Variants in TTLL10 observed in about 807,000 individuals in gnomAD.
TTLL10 encodes tubulin tyrosine ligase like 10.
Under a neutral mutation model 69.0 loss-of-function variants are expected in TTLL10, and 61 were observed. The ratio of observed to expected loss-of-function variants is 0.88; its 90% confidence interval spans 0.72 to 1.09. The LOEUF (loss-of-function observed/expected upper bound fraction) is 1.09. TTLL10 is among the 50% of genes least tolerant of loss of function. The pLI is 0.00. For synonymous variants in TTLL10, 408 were observed against 393.3 expected (o/e 1.04, Z -0.44); for missense variants, 962 against 945.9 (o/e 1.02, Z -0.22).
Position 1,185,959 on chromosome 1 carries a change from A to G in TTLL10, c.1401+850A>G. The stretch of plus-strand genomic sequence containing the variant: ...ATCACCTCAAAAAAGAAACACTACT[A>G]ACGAGCCATCACAGCTACATTGCCG... On this transcript the variant is annotated intron_variant, in intron 13 of 15. Coordinates refer to ENST00000379289, the MANE Select transcript of TTLL10 (RefSeq NM_001130045.2). This position sits in a 1 kb window ranked among gnomAD's most constrained non-coding sequence, Gnocchi z 6.1. 1.9e-6 allele frequency: 1 copy of G among 518,616 alleles called. No homozygotes were observed. Among genetic ancestry groups the G allele is most frequent in the Non-Finnish European group, 2.5e-6 (1 of 403,390 alleles). 32.1% of individuals were successfully genotyped at this position (518,616 alleles called of 1,614,324 possible). A position where few individuals can be genotyped will look rare whatever the true frequency, so the allele number is the denominator to read the frequency against.
Position 1,181,755 on chromosome 1 carries a change from C to G in TTLL10, c.770C>G (p.Ala257Gly). The G allele has an allele frequency of 6.2e-7, 1 of 1,605,462 alleles. No homozygotes were observed. The highest frequency in any genetic ancestry group is 8.5e-7 in the Non-Finnish European group (1 of 1,177,218). Reference protein sequence around the residue: ...GGVQARLEKDAAAPALEDLPW... With the variant: ...GGVQARLEKDGAAPALEDLPW... ...CTGGGCTGCAGGCTGGAAAAGGACGCAGCAGCGCCCGCCCTGGAGGACCTC... is the reference window on the plus strand; with the variant it reads ...CTGGGCTGCAGGCTGGAAAAGGACGGAGCAGCGCCCGCCCTGGAGGACCTC... The change falls in exon 9 of 16, where the codon GCA (alanine) becomes GGA (glycine). Residue 257 changes from alanine (A) to glycine (G), a missense_variant. By Grantham distance (60) the Ala-to-Gly change is moderately conservative. Transcript: ENST00000379289. The surrounding 1 kb of genome is among the most constrained non-coding windows in gnomAD (Gnocchi z 4.6).
rs1034580146 is a variant in TTLL10 at position 1,197,836 on chromosome 1, G to A, written c.2011G>A (p.Ala671Thr). Residue 671 changes from alanine to threonine, a missense_variant, in exon 16 of 16, where the codon GCG becomes ACG. Physicochemically the swap from Ala to Thr is moderately conservative, Grantham distance 58 (BLOSUM62 0). Transcript: ENST00000379289. Reference sequence around the variant, plus strand: ...GGAGGAACGCGAGGAGCCTGAGAACGCGAGGCCCTAGGGGCAGCCACCCGC... The same window carrying A: ...GGAGGAACGCGAGGAGCCTGAGAACACGAGGCCCTAGGGGCAGCCACCCGC... Reference protein sequence around the residue: ...AKEEREEPENARP With the variant: ...AKEEREEPENTRP The A allele has an allele frequency of 7.8e-5, 117 of 1,494,658 alleles. No homozygotes were observed. Among genetic ancestry groups the A allele is most frequent in the Admixed American group, 2.1e-4 (9 of 43,344 alleles). The allele number at this position is 1,494,658 out of a possible 1,614,324, so 92.6% of individuals were successfully genotyped here.
rs756766533 is a variant in TTLL10 at position 1,180,050 on chromosome 1, G to A, written c.216G>A (p.Arg72=). ...GHCPVGPAHE[R]PMGSSQEEGL... ...CGTTCACAGGCCCGGCCCACGAGAG[G>A]CCAATGGGGAGCAGCCAGGAGGAGG... is the stretch of plus-strand genomic sequence containing the variant. The change falls in exon 6 of 16, where the codon AGG becomes AGA. Residue 72 remains arginine (R), a synonymous_variant. Transcript: ENST00000379289. 3 of 1,574,544 alleles carry A rather than the reference G, an allele frequency of 1.9e-6. No homozygotes were observed. The highest frequency in any genetic ancestry group is 2.6e-6 in the Non-Finnish European group (3 of 1,160,420).
chr1:1,175,154 A>T (rs1646835017), intron 3 of TTLL10: 1 of 157,756 alleles, frequency 6.3e-6, no homozygotes, highest in Admixed American at 5.9e-5. Flanking sequence ...TTTCAATGAC[A>T]AGAAATAACA....
At chr1:1,195,788 C>A (rs1381543071) in intron 13 of TTLL10, among the ~76,000 whole-genome samples, 1 of 151,866 alleles carries the variant, frequency 6.6e-6, no homozygotes, top group Non-Finnish European at 1.5e-5. Flanking sequence ...TACAGGCATA[C>A]ACCACCACGC....
Position 1,181,668 on chromosome 1 carries a change from C to T in TTLL10, c.756-73C>T. The T allele has an allele frequency of 5.7e-6, 8 of 1,394,508 alleles. No individual in the cohort carries two copies. Among genetic ancestry groups the T allele is most frequent in the Non-Finnish European group, 7.9e-6 (8 of 1,016,718 alleles). The allele number at this position is 1,394,508 out of a possible 1,614,324, so 86.4% of individuals were successfully genotyped here. On this transcript the variant is annotated intron_variant, in intron 8 of 15. Coordinates refer to ENST00000379289, the MANE Select transcript of TTLL10 (RefSeq NM_001130045.2). The surrounding 1 kb of genome is among the most constrained non-coding windows in gnomAD (Gnocchi z 4.6). ...CGCCCACTCACCACCCATGCCCCAT[C>T]CCCCAGTCCCCACCCGCTCCAAGCA...
intron 10 of TTLL10, 117 bp downstream of exon 10, chr1:1,182,563 C>A: frequency 9.0e-7 from 1 of 1,112,612 alleles, no homozygotes; most frequent in Non-Finnish European, 1.3e-6. Flanking sequence ...GGGGCTGGGA[C>A]GAGACGAGGT....
chr1:1,197,790 G>A lies in TTLL10; in HGVS notation c.1965G>A (p.Glu655=). ...SGTGNRHPAQ[E]PSPGTAKEER... is the part of the protein sequence containing the mutation. The stretch of plus-strand genomic sequence containing the variant: ...CAGGCAACAGGCACCCGGCGCAAGA[G>A]CCTTCCCCGGGGACAGCCAAGGAGG... Residue 655 remains glutamate (E), a synonymous_variant, in exon 16 of 16, where the codon GAG becomes GAA. Transcript: ENST00000379289. 1 of 1,529,962 alleles carries A rather than the reference G, an allele frequency of 6.5e-7. No homozygotes were observed. 94.8% of individuals were successfully genotyped at this position (1,529,962 alleles called of 1,614,324 possible).
At position 1,197,818 on chromosome 1, in the gene TTLL10, C is replaced by T. The variant is rs777763616; in HGVS notation, c.1993C>T (p.Arg665Cys). 32 of 1,509,312 alleles carry T rather than the reference C, an allele frequency of 2.1e-5. No homozygotes were observed. Among genetic ancestry groups the T allele is most frequent in the African/African-American group, 5.7e-5 (4 of 70,000 alleles). The allele number at this position is 1,509,312 out of a possible 1,614,324, so 93.5% of individuals were successfully genotyped here. A position where few individuals can be genotyped will look rare whatever the true frequency, so the allele number is the denominator to read the frequency against. ...EPSPGTAKEE[R>C]EEPENARP ...TTCCCCGGGGACAGCCAAGGAGGAA[C>T]GCGAGGAGCCTGAGAACGCGAGGCC... The change falls in exon 16 of 16, where the codon CGC becomes TGC. Residue 665 changes from arginine (R) to cysteine (C), a missense_variant. By Grantham distance (180) the Arg-to-Cys change is radical (BLOSUM62 -3). Coordinates refer to ENST00000379289, the MANE Select transcript of TTLL10 (RefSeq NM_001130045.2).
At position 1,180,355 on chromosome 1, in the gene TTLL10, T is replaced by C; in HGVS notation, c.506+15T>C. The C allele has an allele frequency of 6.5e-7, 1 of 1,548,320 alleles. No individual in the cohort carries two copies. The highest frequency in any genetic ancestry group is 1.4e-5 in the African/African-American group (1 of 73,210). On this transcript the variant is annotated intron_variant, in intron 6 of 15. Transcript: ENST00000379289. ...GGGGCCACAATGTGAGTAGCGGCCC[T>C]GGGCGCCCGTGGTCCCACTGAATAC...
At chr1:1,189,008 C>A (rs1054885885) in intron 13 of TTLL10, among the ~76,000 whole-genome samples, 5 of 151,988 alleles carry the variant, frequency 3.3e-5, no homozygotes, top group Non-Finnish European at 7.4e-5. Context: ...GATCTTGTAT[C>A]CTTCAACTTT....
Position 1,196,792 on chromosome 1 carries a change from T to C in TTLL10, c.1518+76T>C, listed in dbSNP as rs1053478320. The C allele has an allele frequency of 9.0e-5, 98 of 1,084,706 alleles. No homozygotes were observed. The African/African-American group carries it at 1.3e-3, about 15-fold the overall frequency. 67.2% of individuals were successfully genotyped at this position (1,084,706 alleles called of 1,614,324 possible). On this transcript the variant is annotated intron_variant, in intron 14 of 15. Transcript: ENST00000379289. The stretch of plus-strand genomic sequence containing the variant: ...GGCCATCTGTACACCCTGACCACAC[T>C]GGCAGGCCCCAGGCAGAATCTGCAG...
At chr1:1,183,506 A>G (rs559126185) in intron 11 of TTLL10, among the ~76,000 whole-genome samples, 543 of 152,128 alleles carry the variant, frequency 3.6e-3, no homozygotes, top group Non-Finnish European at 5.3e-3. Flanking sequence ...CCTCACTCTG[A>G]CCACAGCTGC....
chr1:1,183,839 A>G, intron 11 of TTLL10, 81 bp from the exon 12 acceptor site: 2 of 1,562,336 alleles, frequency 1.3e-6, no homozygotes, highest in Non-Finnish European at 1.7e-6. Flanking sequence ...GAAATGGAAC[A>G]GGCCCGGGGT....
chr1:1,191,100 G>A (rs545400808), intron 13 of TTLL10, among the ~76,000 whole-genome samples: 59 of 152,336 alleles, frequency 3.9e-4, no homozygotes, highest in African/African-American at 1.2e-3. Flanking sequence ...GATTATAGGC[G>A]TGAGCCATGA....
At position 1,181,616 on chromosome 1, in the gene TTLL10, C is replaced by T. The variant is rs1570413550; in HGVS notation, c.756-125C>T. 1 of 847,362 alleles carries T rather than the reference C, an allele frequency of 1.2e-6. No individual in the cohort carries two copies. The highest frequency in any genetic ancestry group is 2.7e-5 in the East Asian group (1 of 36,642). 52.5% of individuals were successfully genotyped at this position (847,362 alleles called of 1,614,324 possible). On this transcript the variant is annotated intron_variant, in intron 8 of 15. Transcript: ENST00000379289. The surrounding 1 kb of genome is among the most constrained non-coding windows in gnomAD (Gnocchi z 4.6). ...CCCCAGGCACCGCCGTCCACCCAGCCACCTCCTTCCACCACAACTCACAGT... is the reference window on the plus strand; with the variant it reads ...CCCCAGGCACCGCCGTCCACCCAGCTACCTCCTTCCACCACAACTCACAGT...
At chr1:1,191,436 A>G (rs889602963) in intron 13 of TTLL10, among the ~76,000 whole-genome samples, 1 of 152,236 alleles carries the variant, frequency 6.6e-6, no homozygotes, top group African/African-American at 2.4e-5. Context: ...TAAAAAAACA[A>G]CAAACTTACT....
intron 13 of TTLL10, among the ~76,000 whole-genome samples, chr1:1,191,757 A>C (rs12062271): frequency 0.11 from 16,815 of 152,310 alleles, 1,099 homozygotes; most frequent in African/African-American, 0.16. Context: ...TAGTAACAGC[A>C]AACCAGTCAT....
Position 1,179,842 on chromosome 1 carries a change from C to T in TTLL10, c.199+105C>T, listed in dbSNP as rs79637846. 5,001 of 1,457,912 alleles carry T rather than the reference C, an allele frequency of 3.4e-3. 126 individuals carry two copies. The African/African-American group carries it at 0.061, about 18-fold the overall frequency. The allele number at this position is 1,457,912 out of a possible 1,614,324, so 90.3% of individuals were successfully genotyped here. A position where few individuals can be genotyped will look rare whatever the true frequency, so the allele number is the denominator to read the frequency against. On this transcript the variant is annotated intron_variant, in intron 5 of 15. Transcript: ENST00000379289. ...CCTGGCCCTGGAGGGTGGTCACGGC[C>T]CCTCCCCAGATGTAAGCAGTCCCCA...
Sources: allele counts gnomAD v4.1 joint callset (sites outside exome capture counted in the v4.1 genomes callset), GRCh38; gene constraint gnomAD v4.1.1; non-coding constraint Gnocchi (gnomAD v3.1); transcripts MANE v1.5; gene names NCBI Gene and HGNC (gene_info 2026-07-23, HGNC 2026-07-21).